OTUD7A: variants seen among roughly 807,000 people sequenced by gnomAD.
OTUD7A encodes the protein OTU deubiquitinase 7A, also known as OTU domain-containing protein 7A.
In OTUD7A, 12 loss-of-function variants were observed where a neutral mutation model predicts 65.7. That is an observed-to-expected ratio of 0.18 (90% CI 0.12 to 0.30). The LOEUF is 0.30. Ranked by LOEUF, OTUD7A falls within the 10% of genes least tolerant of loss-of-function variation. The pLI is 1.00. For synonymous variants in OTUD7A, 641 were observed against 586.3 expected (o/e 1.09, Z -1.35); for missense variants, 1,148 against 1,304.8 (o/e 0.88, Z 1.85).
At chr15:31,690,787 G>T (rs935926816) in intron 1 of OTUD7A, among the ~76,000 whole-genome samples, 1 of 152,146 alleles carries the variant, frequency 6.6e-6, no homozygotes, top group East Asian at 1.9e-4. Flanking sequence ...AACTAAAAAT[G>T]GATCAAAGAC....
intron 1 of OTUD7A, among the ~76,000 whole-genome samples, chr15:31,738,008 G>T (rs1049449140): frequency 6.6e-6 from 1 of 152,136 alleles, no homozygotes; most frequent in Non-Finnish European, 1.5e-5. Context: ...GTATAAATTG[G>T]GTGGTATTAT....
At chr15:31,792,356 C>T (rs1392481146) in intron 1 of OTUD7A, among the ~76,000 whole-genome samples, 1 of 152,108 alleles carries the variant, frequency 6.6e-6, no homozygotes, top group Non-Finnish European at 1.5e-5. Context: ...CAATGACTTC[C>T]CATCACATTT....
intron 5 of OTUD7A, among the ~76,000 whole-genome samples, chr15:31,534,717 A>G (rs1344453360): frequency 1.3e-5 from 2 of 152,242 alleles, no homozygotes; most frequent in African/African-American, 4.8e-5. Context: ...AGGATACAAG[A>G]TCAATATACA....
chr15:31,534,485 T>C (rs1234804803), intron 5 of OTUD7A, among the ~76,000 whole-genome samples: 1 of 152,124 alleles, frequency 6.6e-6, no homozygotes, highest in Non-Finnish European at 1.5e-5. Context: ...CCTCTAAGAC[T>C]AGGAAAAAGA....
intron 1 of OTUD7A, among the ~76,000 whole-genome samples, chr15:31,852,806 G>A (rs912742580): frequency 2.0e-5 from 3 of 152,158 alleles, no homozygotes; most frequent in African/African-American, 4.8e-5. Flanking sequence ...AAATTACAGC[G>A]CTAATTTAAT....
At chr15:31,537,560 C>T (rs1019317237) in intron 5 of OTUD7A, among the ~76,000 whole-genome samples, 18 of 152,216 alleles carry the variant, frequency 1.2e-4, no homozygotes, top group Non-Finnish European at 1.5e-5. Flanking sequence ...CACGCAGTTA[C>T]TTAGTCACTT....
chr15:31,654,400 AG>A (rs1162625324), intron 3 of OTUD7A, among the ~76,000 whole-genome samples: 1 of 150,724 alleles, frequency 6.6e-6, no homozygotes, highest in East Asian at 2.0e-4. Context: ...ATTTTCCCTA[AG>A]TGACTTAAAG....
chr15:31,578,684 T>C (rs1889279550), intron 3 of OTUD7A, among the ~76,000 whole-genome samples: 1 of 152,164 alleles, frequency 6.6e-6, no homozygotes, highest in Non-Finnish European at 1.5e-5. Context: ...CCCAAGTAGC[T>C]GGGACTACAG....
At chr15:31,555,444 G>A (rs1888458836) in intron 5 of OTUD7A, among the ~76,000 whole-genome samples, 4 of 152,154 alleles carry the variant, frequency 2.6e-5, no homozygotes, top group Non-Finnish European at 5.9e-5. Context: ...CTATTAGGAA[G>A]AGGCATTTAC....
chr15:31,561,877 T>C (rs1251907199), intron 4 of OTUD7A, among the ~76,000 whole-genome samples: 1 of 152,080 alleles, frequency 6.6e-6, no homozygotes, highest in Non-Finnish European at 1.5e-5. Context: ...TTTACAGGAA[T>C]TACCATGATC....
intron 3 of OTUD7A, among the ~76,000 whole-genome samples, chr15:31,622,972 T>C (rs928336602): frequency 2.0e-5 from 3 of 152,244 alleles, no homozygotes. Context: ...TTGTTAGTTT[T>C]CCTTCTAATA....
intron 8 of OTUD7A, among the ~76,000 whole-genome samples, chr15:31,523,719 A>C (rs551024817): frequency 2.0e-4 from 30 of 152,242 alleles, no homozygotes; most frequent in Non-Finnish European, 3.4e-4. Context: ...GTCAGGTGTC[A>C]GAAACTCAAC....
intron 5 of OTUD7A, among the ~76,000 whole-genome samples, chr15:31,537,729 T>C (rs1285431320): frequency 6.6e-6 from 1 of 152,232 alleles, no homozygotes; most frequent in Non-Finnish European, 1.5e-5. Context: ...AAAATGGCTG[T>C]AACACCTGGA....
intron 10 of OTUD7A, among the ~76,000 whole-genome samples, chr15:31,499,239 G>A (rs909530079): frequency 2.6e-5 from 4 of 152,124 alleles, no homozygotes; most frequent in Admixed American, 1.3e-4. Flanking sequence ...ACAAGGATGC[G>A]GTGTCTGCTC....
chr15:31,676,134 A>G (rs35411166), intron 1 of OTUD7A, among the ~76,000 whole-genome samples: 68 of 152,114 alleles, frequency 4.5e-4, no homozygotes, highest in African/African-American at 1.0e-3. Context: ...GATACACAGG[A>G]ACAGACAGAG....
intron 1 of OTUD7A, among the ~76,000 whole-genome samples, chr15:31,810,677 C>T (rs1206291431): frequency 6.6e-6 from 1 of 152,162 alleles, no homozygotes; most frequent in Non-Finnish European, 1.5e-5. Flanking sequence ...TATGGCAGTC[C>T]AAGCAGACTA....
chr15:31,814,551 T>A (rs993253793), intron 1 of OTUD7A, among the ~76,000 whole-genome samples: 17 of 149,506 alleles, frequency 1.1e-4, no homozygotes, highest in Admixed American at 2.7e-4. Context: ...TGAGACAGAG[T>A]CTCGCTTTGT....
At chr15:31,517,399 C>T (rs2041874034) in intron 8 of OTUD7A, among the ~76,000 whole-genome samples, 1 of 152,194 alleles carries the variant, frequency 6.6e-6, no homozygotes, top group South Asian at 2.1e-4. Context: ...TTCACTCCCA[C>T]TTTTAGCCCT....
At chr15:31,644,544 T>C (rs905931022) in intron 3 of OTUD7A, among the ~76,000 whole-genome samples, 3 of 152,214 alleles carry the variant, frequency 2.0e-5, no homozygotes, top group Admixed American at 1.3e-4. Context: ...AGTGTGATCA[T>C]AGCTCACCAT....
Sources: allele counts gnomAD v4.1 joint callset (sites outside exome capture counted in the v4.1 genomes callset), GRCh38; gene constraint gnomAD v4.1.1; transcripts MANE v1.5; gene names NCBI Gene and HGNC (gene_info 2026-07-23, HGNC 2026-07-21).